TMPRSS15: variants seen among roughly 807,000 people sequenced by gnomAD.
The protein encoded by TMPRSS15 is transmembrane serine protease 15, also known as enteropeptidase.
In TMPRSS15, 128 loss-of-function variants were observed where a neutral mutation model predicts 125.3. The observed-to-expected ratio is 1.02, with a 90% confidence interval of 0.89 to 1.18. The LOEUF (loss-of-function observed/expected upper bound fraction) is 1.18. Among genes scored for constraint, TMPRSS15 ranks in the 50% most tolerant of loss-of-function variants. TMPRSS15 has a pLI of 0.00. For missense variants in TMPRSS15, 1,283 were observed against 1,212.7 expected (o/e 1.06, Z -0.86); for synonymous variants, 446 against 423.2 (o/e 1.05, Z -0.66).
intron 5 of TMPRSS15, among the ~76,000 whole-genome samples, chr21:18,374,989 A>G (rs1304429725): frequency 6.6e-6 from 1 of 152,242 alleles, no homozygotes; most frequent in Non-Finnish European, 1.5e-5. Flanking sequence ...AATAGTGATT[A>G]TGAGATGAAC....
In TMPRSS15 at chr21:18,294,359, A is replaced by G. The variant is rs761304640; in HGVS notation, c.2397T>C (p.Val799=). The change falls in exon 21 of 25, where the codon GTT becomes GTC. Residue 799 remains valine (V), a synonymous_variant. Transcript: ENST00000284885. ...GTCGGCCGCCATAATACAGACCCAC[A>G]ACCCAGGGCCAGGCCCCTTCTTTGG... The part of the protein sequence containing the change: ...SNAKEGAWPW[V]VGLYYGGRLL... 4 of 1,614,254 alleles carry G rather than the reference A, an allele frequency of 2.5e-6. No homozygotes were observed. The highest frequency in any genetic ancestry group is 1.7e-5 in the Admixed American group (1 of 60,024).
At chr21:18,357,276 T>A (rs879591832) in intron 8 of TMPRSS15, among the ~76,000 whole-genome samples, 5 of 151,906 alleles carry the variant, frequency 3.3e-5, no homozygotes, top group African/African-American at 4.8e-5. Context: ...CACTCTATTT[T>A]GATTTACTTC....
rs935966135 is a variant in TMPRSS15, at chr21:18,305,631, A to G, written c.2165+7314T>C. Among the ~76,000 whole-genome samples the G allele has an allele frequency of 9.9e-5, 15 of 152,184 alleles. 1 individual carries two copies. The highest frequency in any genetic ancestry group is 3.4e-4 in the African/African-American group (14 of 41,454). ...GACTAGGTGATTCTTATGTATAACC[A>G]GGCTGTACCTTCAAGAGCTGGTGTA... is the stretch of plus-strand genomic sequence containing the variant. On this transcript the variant is annotated intron_variant, in intron 18 of 24. Transcript: ENST00000284885.
At chr21:18,291,824 A>G (rs961080194) in intron 21 of TMPRSS15, among the ~76,000 whole-genome samples, 4 of 152,186 alleles carry the variant, frequency 2.6e-5, no homozygotes, top group African/African-American at 9.6e-5. Flanking sequence ...TTTTGAATTT[A>G]TCAGAATTCT....
chr21:18,368,059 T>C (rs1345291997), intron 6 of TMPRSS15, among the ~76,000 whole-genome samples: 1 of 152,164 alleles, frequency 6.6e-6, no homozygotes, highest in Non-Finnish European at 1.5e-5. Context: ...AGATCACATT[T>C]GCAATAATAT....
intron 19 of TMPRSS15, among the ~76,000 whole-genome samples, chr21:18,296,299 AG>A (rs1446638094): frequency 6.6e-6 from 1 of 152,222 alleles, no homozygotes; most frequent in East Asian, 1.9e-4. Flanking sequence ...CAGTTTTCAT[AG>A]GGATACAAAC....
chr21:18,294,535 G>A, intron 20 of TMPRSS15, 68 bp downstream of exon 20: 2 of 1,597,980 alleles, frequency 1.3e-6, no homozygotes, highest in South Asian at 1.1e-5. Flanking sequence ...AACTTCAGGT[G>A]ACATAAAACT....
intron 1 of TMPRSS15, among the ~76,000 whole-genome samples, chr21:18,451,925 T>G (rs890904436): frequency 6.6e-6 from 1 of 152,116 alleles, no homozygotes; most frequent in African/African-American, 2.4e-5. Context: ...ATGCATAATT[T>G]TATGTATGCA....
chr21:18,395,920 T>G (rs980098155), intron 3 of TMPRSS15, among the ~76,000 whole-genome samples: 1 of 152,224 alleles, frequency 6.6e-6, no homozygotes, highest in Non-Finnish European at 1.5e-5. Context: ...GGGAGGCTGT[T>G]GTCCTCTGCT....
intron 8 of TMPRSS15, among the ~76,000 whole-genome samples, chr21:18,356,047 T>C (rs891506135): frequency 6.6e-6 from 1 of 151,906 alleles, no homozygotes; most frequent in African/African-American, 2.4e-5. Flanking sequence ...TTTTAGACAT[T>C]CCTTAAGAAA....
chr21:18,271,167 G>C (rs1411554993), intron 24 of TMPRSS15, among the ~76,000 whole-genome samples: 2 of 152,128 alleles, frequency 1.3e-5, no homozygotes, highest in Non-Finnish European at 2.9e-5. Context: ...ATGTGTGCAA[G>C]GTGTTTGAAA....
chr21:18,358,613 C>A (rs961315653), intron 8 of TMPRSS15, among the ~76,000 whole-genome samples: 10 of 151,782 alleles, frequency 6.6e-5, no homozygotes, highest in Admixed American at 2.6e-4. Context: ...GCTTTTAAGG[C>A]ACAAAGAATA....
intron 20 of TMPRSS15, 37 bp downstream of exon 20, chr21:18,294,566 A>T (rs1180564046): frequency 6.2e-7 from 1 of 1,605,892 alleles, no homozygotes; most frequent in Non-Finnish European, 8.5e-7. Context: ...TTTTAAACAG[A>T]ATGCTTGAAG....
chr21:18,436,722 C>T (rs960965019), intron 1 of TMPRSS15, among the ~76,000 whole-genome samples: 2 of 149,686 alleles, frequency 1.3e-5, no homozygotes, highest in South Asian at 2.2e-4. Flanking sequence ...ACCTAGGAAT[C>T]CACCTTACAA....
At chr21:18,416,003 A>T (rs1386107250) in intron 1 of TMPRSS15, among the ~76,000 whole-genome samples, 1 of 152,114 alleles carries the variant, frequency 6.6e-6, no homozygotes, top group African/African-American at 2.4e-5. Context: ...TCAAAACATT[A>T]ACAAGGAACC....
At chr21:18,480,402 T>C (rs918025753) in intron 1 of TMPRSS15, among the ~76,000 whole-genome samples, 1 of 152,076 alleles carries the variant, frequency 6.6e-6, no homozygotes. Context: ...TTTAGTAGAC[T>C]TTCTATAATC....
intron 1 of TMPRSS15, among the ~76,000 whole-genome samples, chr21:18,472,474 T>TCC (rs1568736791): frequency 1.3e-5 from 2 of 148,246 alleles, no homozygotes; most frequent in Non-Finnish European, 3.0e-5. Flanking sequence ...TATATATATA[T>TCC]ATATATACAC....
intron 1 of TMPRSS15, among the ~76,000 whole-genome samples, chr21:18,439,547 C>G (rs952097710): frequency 6.6e-6 from 1 of 152,118 alleles, no homozygotes; most frequent in Non-Finnish European, 1.5e-5. Context: ...AACTTTTATA[C>G]TAACTGCATT....
chr21:18,341,749 T>C (rs2075448552), intron 12 of TMPRSS15, among the ~76,000 whole-genome samples: 1 of 152,168 alleles, frequency 6.6e-6, no homozygotes, highest in Non-Finnish European at 1.5e-5. Context: ...ACCCCCTTAT[T>C]ATGTGTTCAC....
Sources: gnomAD v4.1 joint callset for allele counts (sites outside exome capture counted in the v4.1 genomes callset) on GRCh38, gnomAD v4.1.1 for gene constraint, MANE v1.5 for transcripts, NCBI Gene and HGNC (gene_info 2026-07-23, HGNC 2026-07-21) for gene names.